The following BRCA2 variants were observed in gnomAD, a reference collection of about 807,000 sequenced individuals.
BRCA2 encodes breast cancer type 2 susceptibility protein.
A neutral mutation model predicts 276.7 loss-of-function variants in BRCA2; 203 were observed. That is an observed-to-expected ratio of 0.73 (90% CI 0.65 to 0.82). The LOEUF (loss-of-function observed/expected upper bound fraction) is 0.82, where lower values mean the gene tolerates loss of function less well. Among genes scored for constraint, BRCA2 ranks in the 40% least tolerant of loss-of-function variants. The probability of loss-of-function intolerance (pLI) is 0.00; values close to 1 mark genes in which losing one functional copy is unlikely to be tolerated. For missense variants in BRCA2, 3,920 were observed against 3,915.0 expected, an observed-to-expected ratio of 1.00 and a Z score of -0.03; for synonymous variants, 1,289 against 1,338.4, an observed-to-expected ratio of 0.96 and a Z score of 0.81.
At chr13:32,391,735 C>T (rs2072998622) in intron 24 of BRCA2, among the ~76,000 whole-genome samples, 1 of 152,170 alleles carries the variant, frequency 6.6e-6, no homozygotes, top group South Asian at 2.1e-4. Flanking sequence ...TTCTTCTTTT[C>T]CTTTTGTCTT....
intron 21 of BRCA2, among the ~76,000 whole-genome samples, chr13:32,378,365 T>A (rs1038935915): frequency 2.0e-5 from 3 of 152,230 alleles, no homozygotes; most frequent in African/African-American, 7.2e-5. Context: ...TTGACTTTAT[T>A]AAAGTTATCT....
rs2073020925 is a variant in BRCA2, at chr13:32,394,709, T to A, written c.9277T>A (p.Leu3093Met). 1 of 1,613,502 alleles carries A rather than the reference T, an allele frequency of 6.2e-7. No homozygotes were observed. Among genetic ancestry groups the A allele is most frequent in the Non-Finnish European group, 8.5e-7 (1 of 1,179,644 alleles). The part of the protein sequence containing the change: ...KKTGLAPFVY[L>M]SDECYNLLAI... ...TCTAGGACTTGCCCCTTTCGTCTAT[T>A]TGTCAGACGAATGTTACAATTTACT... The change falls in exon 25 of 27, where the codon TTG (leucine) becomes ATG (methionine). Residue 3093 changes from leucine to methionine, a missense_variant. Transcript: ENST00000380152.
At chr13:32,363,928 C>T (rs144918759) in intron 18 of BRCA2, among the ~76,000 whole-genome samples, 18 of 152,274 alleles carry the variant, frequency 1.2e-4, no homozygotes, top group Middle Eastern at 6.8e-3. Flanking sequence ...TTTTAAACTA[C>T]ATAACAGGAC....
At chr13:32,387,617 A>G (rs2072969460) in intron 24 of BRCA2, among the ~76,000 whole-genome samples, 1 of 152,196 alleles carries the variant, frequency 6.6e-6, no homozygotes, top group South Asian at 2.1e-4. Flanking sequence ...AGTCATCCGG[A>G]GGCCTAAATC....
At chr13:32,370,668 C>T (rs1292885020) in intron 19 of BRCA2, 111 bp downstream of exon 19, 12 of 1,251,798 alleles carry the variant, frequency 9.6e-6, no homozygotes, top group Middle Eastern at 2.5e-4. Context: ...AGTGCAATGG[C>T]GTGATCTTGG....
intron 10 of BRCA2, among the ~76,000 whole-genome samples, chr13:32,335,181 G>GA (rs942530450): frequency 1.2e-4 from 18 of 151,278 alleles, no homozygotes; most frequent in Admixed American, 6.6e-4. Flanking sequence ...CCATCTCTAT[G>GA]AAAAAAAACA....
chr13:32,332,165 T>G, intron 9 of BRCA2, 107 bp from the exon 10 acceptor site: 1 of 1,122,804 alleles, frequency 8.9e-7, no homozygotes, highest in Non-Finnish European at 1.2e-6. Flanking sequence ...TGATATGTAA[T>G]ATTTAGCACA....
chr13:32,371,757 A>ACCGC (rs377357011), intron 20 of BRCA2, among the ~76,000 whole-genome samples: 204 of 152,302 alleles, frequency 1.3e-3, no homozygotes, highest in African/African-American at 4.6e-3. Flanking sequence ...ATTCTAGACC[A>ACCGC]CCGCAATAAA....
chr13:32,356,231 A>G (rs1158150301), intron 14 of BRCA2, among the ~76,000 whole-genome samples, 197 bp from the exon 15 acceptor site: 3 of 150,154 alleles, frequency 2.0e-5, no homozygotes, highest in South Asian at 2.1e-4. Flanking sequence ...TTTTACTTTT[A>G]TATATTTTTT....
intron 11 of BRCA2, among the ~76,000 whole-genome samples, chr13:32,344,327 T>G (rs1033019531): frequency 3.9e-5 from 6 of 152,138 alleles, no homozygotes; most frequent in African/African-American, 1.4e-4. Context: ...TTATCCTGTT[T>G]AGACCCTGTT....
intron 2 of BRCA2, among the ~76,000 whole-genome samples, chr13:32,318,156 C>T (rs1326601810): frequency 6.6e-6 from 1 of 152,218 alleles, no homozygotes; most frequent in East Asian, 1.9e-4. Context: ...ACTGCCATAA[C>T]TCATGCAAAT....
Position 32,362,592 on chromosome 13 carries a change from A to T in BRCA2, c.7875A>T (p.Arg2625Ser). 1 of 1,614,158 alleles carries T rather than the reference A, an allele frequency of 6.2e-7. No individual in the cohort carries two copies. The highest frequency in any genetic ancestry group is 1.7e-5 in the Admixed American group (1 of 60,022). Residue 2625 changes from arginine to serine, a missense_variant, in exon 17 of 27, where the codon AGA becomes AGT. By Grantham distance (110) the Arg-to-Ser change is moderately radical (BLOSUM62 -1). Coordinates refer to ENST00000380152, the MANE Select transcript of BRCA2 (RefSeq NM_000059.4). ...ISRIWVYNHY[R>S]WIIWKLAAME... ...GAATTTGGGTTTATAATCACTATAG[A>T]TGGATCATATGGAAACTGGCAGCTA...
intron 11 of BRCA2, among the ~76,000 whole-genome samples, chr13:32,341,920 A>G (rs1396858788): frequency 6.6e-6 from 1 of 151,644 alleles, no homozygotes; most frequent in African/African-American, 2.4e-5. Context: ...GGTAATATAT[A>G]CTACTTAGTT....
rs876660083 is a variant in BRCA2, at chr13:32,337,323, A to G, written c.2968A>G (p.Met990Val). 2 of 1,613,714 alleles carry G rather than the reference A, an allele frequency of 1.2e-6. No homozygotes were observed. Among genetic ancestry groups the G allele is most frequent in the Non-Finnish European group, 1.7e-6 (2 of 1,179,868 alleles). ...DKIPEKNNDY[M>V]NKWAGLLGPI... ...AATACCAGAAAAAAATAATGATTACATGAACAAATGGGCAGGACTCTTAGG... is the reference window on the plus strand; with the variant it reads ...AATACCAGAAAAAAATAATGATTACGTGAACAAATGGGCAGGACTCTTAGG... The change falls in exon 11 of 27, where the codon ATG becomes GTG. Residue 990 changes from methionine to valine, a missense_variant. Coordinates refer to ENST00000380152, the MANE Select transcript of BRCA2 (RefSeq NM_000059.4).
rs28897712 is a variant in BRCA2 at position 32,336,319 on chromosome 13, C to A, written c.1964C>A (p.Pro655Gln). The change falls in exon 11 of 27, where the codon CCA becomes CAA. Residue 655 changes from proline to glutamine, a missense_variant. Physicochemically the swap from Pro to Gln is moderately conservative, Grantham distance 76 (BLOSUM62 -1). This residue lies in a region of BRCA2 where 3,263 missense variants were observed against 3,156.9 expected (regional missense o/e 1.03). Coordinates refer to ENST00000380152, the MANE Select transcript of BRCA2 (RefSeq NM_000059.4). ...RSCSQNDSEE[P>Q]TLSLTSSFGT... Reference sequence around the variant, plus strand: ...TGTTCACAGAATGATTCTGAAGAACCAACTTTGTCCTTAACTAGCTCTTTT... The same window carrying A: ...TGTTCACAGAATGATTCTGAAGAACAAACTTTGTCCTTAACTAGCTCTTTT... 2 of 1,601,812 alleles carry A rather than the reference C, an allele frequency of 1.2e-6. No homozygotes were observed. The highest frequency in any genetic ancestry group is 3.5e-5 in the Admixed American group (2 of 57,872).
intron 11 of BRCA2, among the ~76,000 whole-genome samples, chr13:32,344,144 A>G (rs1345177430): frequency 6.7e-6 from 1 of 148,160 alleles, no homozygotes; most frequent in Non-Finnish European, 1.5e-5. Flanking sequence ...TTACTCCTTC[A>G]GTTAATGGCT....
chr13:32,395,067 T>C (rs1682310715), intron 25 of BRCA2, 134 bp downstream of exon 25: 2 of 1,270,588 alleles, frequency 1.6e-6, no homozygotes, highest in Non-Finnish European at 2.2e-6. Flanking sequence ...ATATATTAAT[T>C]GCCCATGAAC....
chr13:32,355,581 G>A (rs995194242), intron 14 of BRCA2, among the ~76,000 whole-genome samples: 2 of 152,116 alleles, frequency 1.3e-5, no homozygotes, highest in Admixed American at 6.5e-5. Flanking sequence ...TAAAAATAGG[G>A]CCGGGCGTGG....
rs876659501 is a variant in BRCA2, at chr13:32,357,835, G to A, written c.7711G>A (p.Glu2571Lys). ...QFHTEDYFGKESLWTGKGIQL... is the reference protein window; with the variant it reads ...QFHTEDYFGKKSLWTGKGIQL... The stretch of plus-strand genomic sequence containing the variant: ...TCACACTGAAGATTATTTTGGTAAG[G>A]AAAGTTTATGGACTGGAAAAGGAAT... Residue 2571 changes from glutamate (E) to lysine (K), a missense_variant, in exon 16 of 27, where the codon GAA becomes AAA. By Grantham distance (56) the Glu-to-Lys change is moderately conservative. Coordinates refer to ENST00000380152, the MANE Select transcript of BRCA2 (RefSeq NM_000059.4). The A allele has an allele frequency of 6.2e-7, 1 of 1,614,026 alleles. No homozygotes were observed. Among genetic ancestry groups the A allele is most frequent in the African/African-American group, 1.3e-5 (1 of 75,048 alleles).
Sources: allele counts gnomAD v4.1 joint callset (sites outside exome capture counted in the v4.1 genomes callset), GRCh38; gene constraint gnomAD v4.1.1; regional missense constraint gnomAD v4.1.1; transcripts MANE v1.5; gene names NCBI Gene and HGNC (gene_info 2026-07-23, HGNC 2026-07-21).